FAM227B: variants seen among roughly 807,000 people sequenced by gnomAD.
FAM227B encodes the protein protein FAM227B.
In FAM227B, 88 loss-of-function variants were observed where a neutral mutation model predicts 73.8. That is an observed-to-expected ratio of 1.19 (90% CI 1.00 to 1.42). The LOEUF (loss-of-function observed/expected upper bound fraction) is 1.42. FAM227B is among the 40% of genes most tolerant of loss of function. The pLI is 0.00. For synonymous variants in FAM227B, 210 were observed against 190.5 expected, an observed-to-expected ratio of 1.10 and a Z score of -0.84; for missense variants, 632 against 590.9, an observed-to-expected ratio of 1.07 and a Z score of -0.72.
intron 11 of FAM227B, among the ~76,000 whole-genome samples, chr15:49,398,050 G>A (rs2047831129): frequency 6.6e-6 from 1 of 152,110 alleles, no homozygotes; most frequent in Admixed American, 6.5e-5. Context: ...GACACAGACT[G>A]GCAAATTGGA....
At chr15:49,524,216 A>C (rs2059987671) in intron 10 of FAM227B, among the ~76,000 whole-genome samples, 1 of 152,108 alleles carries the variant, frequency 6.6e-6, no homozygotes, top group Non-Finnish European at 1.5e-5. Context: ...GGAGGCCTAG[A>C]AGGGAAAGAT....
intron 11 of FAM227B, among the ~76,000 whole-genome samples, chr15:49,471,103 T>C (rs1043969124): frequency 6.6e-6 from 1 of 152,134 alleles, no homozygotes; most frequent in African/African-American, 2.4e-5. Context: ...GATAAGTACT[T>C]TTAAAGGGAG....
intron 11 of FAM227B, among the ~76,000 whole-genome samples, chr15:49,457,506 CT>C (rs1461462727): frequency 7.2e-5 from 11 of 151,874 alleles, no homozygotes; most frequent in Admixed American, 3.3e-4. Context: ...GTCACTTTTT[CT>C]TAAAAATCTA....
At chr15:49,421,093 C>T (rs1597075943) in intron 11 of FAM227B, among the ~76,000 whole-genome samples, 1 of 152,154 alleles carries the variant, frequency 6.6e-6, no homozygotes, top group South Asian at 2.1e-4. Flanking sequence ...TCAAAGTATT[C>T]CTGTGCTTAA....
At chr15:49,526,351 A>G (rs2060203051) in intron 10 of FAM227B, among the ~76,000 whole-genome samples, 1 of 152,240 alleles carries the variant, frequency 6.6e-6, no homozygotes, top group South Asian at 2.1e-4. Context: ...TTTGAAATCA[A>G]TGAAGCAGAC....
At chr15:49,385,721 A>C (rs2046842796) in intron 11 of FAM227B, among the ~76,000 whole-genome samples, 1 of 151,934 alleles carries the variant, frequency 6.6e-6, no homozygotes, top group Admixed American at 6.6e-5. Flanking sequence ...AGAATGGATA[A>C]AAAAATCACA....
Position 49,462,736 on chromosome 15 carries a change from C to T in FAM227B, c.1012+45475G>A, listed in dbSNP as rs1445818494. On this transcript the variant is annotated intron_variant, in intron 11 of 15. Coordinates refer to ENST00000299338, the MANE Select transcript of FAM227B (RefSeq NM_152647.3). ...TTTTACTTCCAATTAAGTTAAAATA[C>T]AACTTTGAAAGATAAGATATGATAT... Among the ~76,000 whole-genome samples the T allele has an allele frequency of 2.0e-5, 3 of 152,114 alleles. No homozygotes were observed. In the East Asian group the frequency reaches 5.8e-4, roughly 29 times the overall value.
intron 13 of FAM227B, among the ~76,000 whole-genome samples, chr15:49,346,051 AT>A (rs35105464): frequency 0.17 from 24,833 of 145,460 alleles, 2,262 homozygotes; most frequent in Non-Finnish European, 0.21. Flanking sequence ...TGCTTTTGTT[AT>A]TTTTTTTTTT....
intron 11 of FAM227B, among the ~76,000 whole-genome samples, chr15:49,389,663 T>C (rs184146499): frequency 6.6e-6 from 1 of 152,056 alleles, no homozygotes; most frequent in East Asian, 1.9e-4. Flanking sequence ...GAAAAAAGTA[T>C]TGTTATTAAT....
chr15:49,611,163 A>G, intron 3 of FAM227B, 52 bp downstream of exon 3: 3 of 1,089,418 alleles, frequency 2.8e-6, no homozygotes, highest in Non-Finnish European at 4.2e-6. Context: ...AATCTCCATA[A>G]CTGATATTTT....
At chr15:49,376,491 T>A (rs1314252388) in intron 11 of FAM227B, among the ~76,000 whole-genome samples, 1 of 152,126 alleles carries the variant, frequency 6.6e-6, no homozygotes, top group African/African-American at 2.4e-5. Context: ...TTTACCCTTA[T>A]GCCAGTACCA....
intron 11 of FAM227B, among the ~76,000 whole-genome samples, chr15:49,456,302 A>G (rs1271748937): frequency 1.3e-5 from 2 of 152,126 alleles, no homozygotes; most frequent in African/African-American, 4.8e-5. Flanking sequence ...AAAGAAGTAC[A>G]AAGTGCAGAG....
At chr15:49,458,292 C>T (rs1045018002) in intron 11 of FAM227B, among the ~76,000 whole-genome samples, 8 of 151,636 alleles carry the variant, frequency 5.3e-5, no homozygotes, top group African/African-American at 1.5e-4. Flanking sequence ...AACCCCCCCA[C>T]GTGCCAAATA....
chr15:49,547,187 T>C (rs933156416), intron 9 of FAM227B, among the ~76,000 whole-genome samples: 5 of 152,054 alleles, frequency 3.3e-5, no homozygotes, highest in Admixed American at 2.6e-4. Flanking sequence ...TTAAGCCTCA[T>C]AAGTGAAGGA....
intron 11 of FAM227B, among the ~76,000 whole-genome samples, chr15:49,415,289 C>G (rs568906077): frequency 4.9e-4 from 74 of 152,212 alleles, no homozygotes; most frequent in African/African-American, 1.8e-3. Context: ...CTCAATTGCA[C>G]AAGGTCTTTG....
chr15:49,588,069 A>G lies in FAM227B; in HGVS notation c.352T>C (p.Leu118=). The G allele has an allele frequency of 7.1e-7, 1 of 1,412,246 alleles. No individual in the cohort carries two copies. The highest frequency in any genetic ancestry group is 1.5e-5 in the South Asian group (1 of 67,302). 87.5% of individuals were successfully genotyped at this position (1,412,246 alleles called of 1,614,324 possible). ...TTTAGAAATTCCCCATATCGTTCCA[A>G]TTTTCTATAAGAACCTTTAAGAAAA... The part of the protein sequence containing the change: ...MISETSSYRK[L]ERYGEFLKKY... Residue 118 remains leucine, a synonymous_variant, in exon 5 of 16, where the codon TTG becomes CTG. Coordinates refer to ENST00000299338, the MANE Select transcript of FAM227B (RefSeq NM_152647.3).
chr15:49,548,582 T>C (rs779536660), intron 9 of FAM227B, among the ~76,000 whole-genome samples: 2 of 152,168 alleles, frequency 1.3e-5, no homozygotes, highest in South Asian at 2.1e-4. Context: ...TTTTTGGAAA[T>C]AGTTTGAGTA....
At chr15:49,515,865 G>A (rs1216167135) in intron 10 of FAM227B, among the ~76,000 whole-genome samples, 1 of 152,064 alleles carries the variant, frequency 6.6e-6, no homozygotes, top group African/African-American at 2.4e-5. Context: ...GCTGATATTT[G>A]TTAGTTGATG....
intron 11 of FAM227B, among the ~76,000 whole-genome samples, chr15:49,375,206 T>TCA (rs2046081878): frequency 6.6e-6 from 1 of 152,212 alleles, no homozygotes; most frequent in Non-Finnish European, 1.5e-5. Flanking sequence ...TATACTTTGT[T>TCA]AACTATGAAG....
Sources: allele counts gnomAD v4.1 joint callset (sites outside exome capture counted in the v4.1 genomes callset), GRCh38; gene constraint gnomAD v4.1.1; transcripts MANE v1.5; gene names NCBI Gene and HGNC (gene_info 2026-07-23, HGNC 2026-07-21).